MID1: variants seen among roughly 807,000 people sequenced by gnomAD.
MID1 encodes midline 1, also known as E3 ubiquitin-protein ligase Midline-1.
Under a neutral mutation model 40.4 loss-of-function variants are expected in MID1, and 7 were observed. That is an observed-to-expected ratio of 0.17 (90% CI 0.10 to 0.33). MID1 has a LOEUF of 0.33. MID1 is among the 10% of genes least tolerant of loss of function. MID1 has a pLI of 1.00. For missense variants in MID1, 367 were observed against 558.5 expected (o/e 0.66, Z 3.46); for synonymous variants, 229 against 221.2 (o/e 1.04, Z -0.31).
chrX:10,832,362 T>A lies in MID1; in HGVS notation c.-187+1192A>T, dbSNP rs1164912848. Reference sequence around the variant, plus strand: ...GGAATGGACTATGACTTGCATTTTTTAAAAACGTGGTCATTTTCTCAAATC... The same window carrying A: ...GGAATGGACTATGACTTGCATTTTTAAAAAACGTGGTCATTTTCTCAAATC... On this transcript the variant is annotated intron_variant, in intron 1 of 10. Coordinates refer to the MID1 transcript ENST00000380785. Among the ~76,000 whole-genome samples the A allele has an allele frequency of 2.7e-5, 3 of 112,661 alleles. No individual in the cohort carries two copies. In the East Asian group the frequency reaches 8.3e-4, roughly 31 times the overall value.
rs760297891 is a variant in MID1, at chrX:10,750,605, T to C, written c.-187+82949A>G. ...GAGATCACGCCACTGCACTCCAGCCTGGGTGATGGAGTGAGACTCTGTCTC... is the reference window on the plus strand; with the variant it reads ...GAGATCACGCCACTGCACTCCAGCCCGGGTGATGGAGTGAGACTCTGTCTC... On this transcript the variant is annotated intron_variant, in intron 1 of 10. Transcript: ENST00000380785. 3.6e-5 allele frequency among the ~76,000 whole-genome samples: 4 copies of C among 110,010 alleles called. No individual in the cohort carries two copies. In the South Asian group the frequency reaches 1.6e-3, roughly 44 times the overall value.
At chrX:10,723,918 C>T (rs1235890734) in intron 1 of MID1, among the ~76,000 whole-genome samples, 1 of 112,380 alleles carries the variant, frequency 8.9e-6, no homozygotes, top group East Asian at 2.8e-4. Context: ...CTTAAAGTAG[C>T]TAAAAAATAA....
chrX:10,771,769 A>G (rs1185159990), intron 1 of MID1, among the ~76,000 whole-genome samples: 1 of 105,401 alleles, frequency 9.5e-6, no homozygotes, highest in Admixed American at 1.1e-4. Flanking sequence ...TGGGCCTCCC[A>G]AAGTGCTGGG....
chrX:10,509,769 G>A (rs1028131541), intron 3 of MID1, among the ~76,000 whole-genome samples: 1 of 112,270 alleles, frequency 8.9e-6, no homozygotes, highest in African/African-American at 3.2e-5. Flanking sequence ...CGGACATGCT[G>A]ATCTATGCAA....
At chrX:10,694,341 T>C (rs5979342) in intron 1 of MID1, among the ~76,000 whole-genome samples, 17,968 of 111,827 alleles carry the variant, frequency 0.16, 2,383 homozygotes, top group African/African-American at 0.44. Flanking sequence ...CTCCACTCTT[T>C]ATTTCCCCTA....
chrX:10,608,284 T>A (rs1156403126), intron 1 of MID1, among the ~76,000 whole-genome samples: 2 of 112,106 alleles, frequency 1.8e-5, no homozygotes, highest in Non-Finnish European at 3.8e-5. Flanking sequence ...AAACTTACAG[T>A]CATACAAAAT....
At chrX:10,575,051 A>G (rs756046739) in intron 1 of MID1, among the ~76,000 whole-genome samples, 1 of 112,886 alleles carries the variant, frequency 8.9e-6, no homozygotes, top group South Asian at 3.6e-4. Flanking sequence ...GGAAGCTCCT[A>G]TAAGTATTTC....
Position 10,469,791 on chromosome X carries a change from G to T in MID1, c.1191C>A (p.Asp397Glu). The T allele has an allele frequency of 8.3e-7, 1 of 1,211,116 alleles. No individual in the cohort carries two copies. The highest frequency in any genetic ancestry group is 1.1e-6 in the Non-Finnish European group (1 of 894,966). Residue 397 changes from aspartate to glutamate, a missense_variant, in exon 7 of 10, where the codon GAC becomes GAA. This residue lies in a region of MID1 where 275 missense variants were observed against 383.1 expected (regional missense o/e 0.72). Transcript: ENST00000317552. ...CGGAGGTCCAATGCACAGTGATGGTGTCATATGAAGCTGTGCAGAGCTCTT... is the reference window on the plus strand; with the variant it reads ...CGGAGGTCCAATGCACAGTGATGGTTTCATATGAAGCTGTGCAGAGCTCTT... ...IREELCTASY[D>E]TITVHWTSDD...
chrX:10,461,138 T>TAC (rs200040870), intron 7 of MID1, among the ~76,000 whole-genome samples: 3,308 of 96,740 alleles, frequency 0.034, 44 homozygotes, highest in East Asian at 0.076. Context: ...TATCTAAAGA[T>TAC]ACACACACAC....
intron 3 of MID1, among the ~76,000 whole-genome samples, chrX:10,512,160 G>T (rs936403502): frequency 7.1e-5 from 8 of 112,207 alleles, no homozygotes; most frequent in African/African-American, 2.6e-4. Flanking sequence ...AGGTTAGAGG[G>T]TCAATGGTTA....
At chrX:10,557,144 T>C (rs1387014709) in intron 2 of MID1, among the ~76,000 whole-genome samples, 1 of 111,343 alleles carries the variant, frequency 9.0e-6, no homozygotes, top group Non-Finnish European at 1.9e-5. Context: ...AGGCATGAAG[T>C]CTGGCCCTTC....
chrX:10,724,306 G>A (rs1458686092), intron 1 of MID1, among the ~76,000 whole-genome samples: 1 of 111,633 alleles, frequency 9.0e-6, no homozygotes. Context: ...TGATCTATCT[G>A]CCTCAGCCTC....
chrX:10,660,848 T>C (rs2042906639), intron 1 of MID1, among the ~76,000 whole-genome samples: 1 of 112,166 alleles, frequency 8.9e-6, no homozygotes, highest in African/African-American at 3.2e-5. Context: ...ATAATGCCTG[T>C]CACCTCTGAG....
chrX:10,760,621 G>A (rs768534734), intron 1 of MID1, among the ~76,000 whole-genome samples: 4,034 of 111,025 alleles, frequency 0.036, 193 homozygotes, highest in African/African-American at 0.13. Context: ...CCAGGAGTTT[G>A]AGACCAGCCT....
At chrX:10,763,944 T>G (rs1226566373) in intron 1 of MID1, among the ~76,000 whole-genome samples, 27 of 112,260 alleles carry the variant, frequency 2.4e-4, no homozygotes, top group Non-Finnish European at 4.3e-4. Flanking sequence ...TCATGTGTCT[T>G]TTGGCTGCAT....
intron 3 of MID1, among the ~76,000 whole-genome samples, chrX:10,507,362 A>C (rs1190095060): frequency 8.9e-6 from 1 of 111,920 alleles, no homozygotes; most frequent in Non-Finnish European, 1.9e-5. Flanking sequence ...TGCTTGCTTT[A>C]ATTTTATTGC....
At chrX:10,548,671 G>C (rs1206371048) in intron 2 of MID1, among the ~76,000 whole-genome samples, 1 of 111,683 alleles carries the variant, frequency 9.0e-6, no homozygotes, top group Admixed American at 9.5e-5. Flanking sequence ...CTATTTTTAT[G>C]AGTGTACTTT....
At chrX:10,479,245 G>A (rs1445551614) in intron 5 of MID1, among the ~76,000 whole-genome samples, 1 of 111,743 alleles carries the variant, frequency 8.9e-6, no homozygotes, top group African/African-American at 3.3e-5. Context: ...TATTTATGGA[G>A]TACATGAGAT....
chrX:10,726,060 A>G (rs1414485740), intron 1 of MID1, among the ~76,000 whole-genome samples: 1 of 111,909 alleles, frequency 8.9e-6, no homozygotes, highest in Non-Finnish European at 1.9e-5. Context: ...GCCACTATGT[A>G]TTTTAAGCGT....
Sources: gnomAD v4.1 joint callset for allele counts (sites outside exome capture counted in the v4.1 genomes callset) on GRCh38, gnomAD v4.1.1 for gene constraint, gnomAD v4.1.1 regional missense constraint, MANE v1.5 for transcripts, NCBI Gene and HGNC (gene_info 2026-07-23, HGNC 2026-07-21) for gene names.